The following NXPH1 variants were observed in gnomAD, a reference collection of about 807,000 sequenced individuals.
The protein encoded by NXPH1 is neurexophilin 1, also known as neurexophilin-1.
A neutral mutation model predicts 23.7 loss-of-function variants in NXPH1; 5 were observed. The ratio of observed to expected loss-of-function variants is 0.21; its 90% CI spans 0.11 to 0.44. The LOEUF (loss-of-function observed/expected upper bound fraction) is 0.44. Among genes scored for constraint, NXPH1 ranks in the 20% least tolerant of loss-of-function variants. The pLI, the probability that NXPH1 is intolerant of heterozygous loss-of-function variation, is 0.99. For missense variants in NXPH1, 324 were observed against 321.6 expected, an observed-to-expected ratio of 1.01 and a Z score of -0.06; for synonymous variants, 144 against 122.2, an observed-to-expected ratio of 1.18 and a Z score of -1.18.
At chr7:8,522,776 T>C (rs1013725813) in intron 2 of NXPH1, among the ~76,000 whole-genome samples, 2 of 152,202 alleles carry the variant, frequency 1.3e-5, no homozygotes, top group Non-Finnish European at 2.9e-5. Context: ...TTCCCACCTC[T>C]AGGTCCAGCC....
chr7:8,694,941 G>C (rs1821282437), intron 2 of NXPH1, among the ~76,000 whole-genome samples: 1 of 152,070 alleles, frequency 6.6e-6, no homozygotes, highest in African/African-American at 2.4e-5. Flanking sequence ...AGTCTACCTA[G>C]GAAAGAAAAT....
intron 2 of NXPH1, among the ~76,000 whole-genome samples, chr7:8,549,033 A>AC (rs1818237491): frequency 1.3e-5 from 2 of 151,548 alleles, no homozygotes; most frequent in South Asian, 4.1e-4. Flanking sequence ...CCTTTGTTTA[A>AC]TAATTGAAAG....
intron 2 of NXPH1, among the ~76,000 whole-genome samples, chr7:8,690,699 G>C (rs894233082): frequency 7.9e-5 from 12 of 152,308 alleles, no homozygotes; most frequent in African/African-American, 2.6e-4. Context: ...TTGTATATAT[G>C]TCTTGACTGT....
intron 2 of NXPH1, among the ~76,000 whole-genome samples, chr7:8,497,173 C>T (rs1486045805): frequency 2.0e-5 from 3 of 152,086 alleles, no homozygotes; most frequent in Non-Finnish European, 2.9e-5. Flanking sequence ...CATCCATGTC[C>T]CTACAAAGAA....
intron 2 of NXPH1, among the ~76,000 whole-genome samples, chr7:8,644,014 A>C (rs1820357578): frequency 6.6e-6 from 1 of 152,166 alleles, no homozygotes; most frequent in African/African-American, 2.4e-5. Flanking sequence ...AACAGGCTGA[A>C]AATCTTTGCT....
intron 2 of NXPH1, among the ~76,000 whole-genome samples, chr7:8,699,112 A>G (rs1779581414): frequency 6.6e-6 from 1 of 152,146 alleles, no homozygotes; most frequent in Non-Finnish European, 1.5e-5. Flanking sequence ...TTATATGATG[A>G]ACAAAATCTG....
chr7:8,751,277 C>G lies in NXPH1; in HGVS notation c.324C>G (p.Pro108=), dbSNP rs927865734. 31 of 1,613,798 alleles carry G rather than the reference C, an allele frequency of 1.9e-5. No homozygotes were observed. Among genetic ancestry groups the G allele is most frequent in the Non-Finnish European group, 2.5e-5 (30 of 1,179,856 alleles). The change falls in exon 3 of 3, where the codon CCC becomes CCG. Residue 108 remains proline (P), a synonymous_variant. Transcript: ENST00000405863. This position sits in a 1 kb window ranked among gnomAD's most constrained non-coding sequence, Gnocchi z 4.5. Reference sequence around the variant, plus strand: ...CTCGGCCCAGGGCCAAGAGAAGGCCCATTGTTAAAACGGGCAAGTTTAAGA... The same window carrying G: ...CTCGGCCCAGGGCCAAGAGAAGGCCGATTGTTAAAACGGGCAAGTTTAAGA... ...QEPRPRAKRR[P]IVKTGKFKKM... is the part of the protein sequence containing the mutation.
At chr7:8,657,892 T>G (rs113642026) in intron 2 of NXPH1, among the ~76,000 whole-genome samples, 7,333 of 152,092 alleles carry the variant, frequency 0.048, 360 homozygotes, top group East Asian at 0.15. Context: ...GCTGGGTGTG[T>G]TAGCACGCAC....
At chr7:8,461,059 T>A (rs1816686100) in intron 2 of NXPH1, among the ~76,000 whole-genome samples, 1 of 152,212 alleles carries the variant, frequency 6.6e-6, no homozygotes, top group Non-Finnish European at 1.5e-5. Flanking sequence ...ACTAGAAATG[T>A]GGTAGCCATT....
chr7:8,623,260 T>C (rs1247035015), intron 2 of NXPH1, among the ~76,000 whole-genome samples: 1 of 151,190 alleles, frequency 6.6e-6, no homozygotes, highest in Non-Finnish European at 1.5e-5. Flanking sequence ...AGGAGAAGAG[T>C]AGAGACAAAG....
chr7:8,662,927 T>A (rs1220723558), intron 2 of NXPH1, among the ~76,000 whole-genome samples: 1 of 152,154 alleles, frequency 6.6e-6, no homozygotes, highest in Non-Finnish European at 1.5e-5. Flanking sequence ...CATTTCTGTA[T>A]AAGATTATCT....
intron 2 of NXPH1, among the ~76,000 whole-genome samples, chr7:8,547,307 C>T (rs985201150): frequency 4.0e-5 from 6 of 151,318 alleles, no homozygotes; most frequent in South Asian, 2.1e-4. Context: ...ATATAGATTA[C>T]GAGAATATGT....
At chr7:8,726,515 G>A (rs1780056895) in intron 2 of NXPH1, among the ~76,000 whole-genome samples, 1 of 128,844 alleles carries the variant, frequency 7.8e-6, no homozygotes, top group Non-Finnish European at 1.6e-5. Context: ...TCCCCAGAGT[G>A]TGATGTTCCC....
chr7:8,439,219 T>C (rs984514445), intron 2 of NXPH1, among the ~76,000 whole-genome samples: 5 of 152,224 alleles, frequency 3.3e-5, no homozygotes, highest in Admixed American at 6.5e-5. Context: ...GATGATAGCA[T>C]TTTAACTTTA....
At chr7:8,499,303 C>G (rs1817392116) in intron 2 of NXPH1, among the ~76,000 whole-genome samples, 1 of 152,016 alleles carries the variant, frequency 6.6e-6, no homozygotes, top group Non-Finnish European at 1.5e-5. Context: ...CCAGGTGACC[C>G]CCAGCTGTGA....
intron 2 of NXPH1, among the ~76,000 whole-genome samples, chr7:8,593,459 G>A (rs1261192267): frequency 6.6e-6 from 1 of 151,884 alleles, no homozygotes; most frequent in Non-Finnish European, 1.5e-5. Context: ...TGCAAATCTT[G>A]TAAAACAAAA....
intron 2 of NXPH1, among the ~76,000 whole-genome samples, chr7:8,748,787 T>G (rs1444761262): frequency 6.6e-6 from 1 of 152,172 alleles, no homozygotes; most frequent in African/African-American, 2.4e-5. Flanking sequence ...CATGATGAAG[T>G]TGCGTTTTAT....
intron 2 of NXPH1, among the ~76,000 whole-genome samples, chr7:8,515,444 C>T (rs1372563499): frequency 6.6e-6 from 1 of 152,086 alleles, no homozygotes; most frequent in East Asian, 1.9e-4. Flanking sequence ...ATTGTGGATA[C>T]TTGAACAGTT....
intron 2 of NXPH1, among the ~76,000 whole-genome samples, chr7:8,534,277 C>T (rs1431217890): frequency 1.3e-5 from 2 of 152,064 alleles, no homozygotes; most frequent in Admixed American, 6.6e-5. Context: ...ATGAAAAAGT[C>T]TCTAGTACCC....
Sources: gnomAD v4.1 joint callset for allele counts (sites outside exome capture counted in the v4.1 genomes callset) on GRCh38, gnomAD v4.1.1 for gene constraint, Gnocchi (gnomAD v3.1) non-coding constraint, MANE v1.5 for transcripts, NCBI Gene and HGNC (gene_info 2026-07-23, HGNC 2026-07-21) for gene names.